Variants in DPYSL3 observed in about 807,000 individuals in gnomAD.
The protein encoded by DPYSL3 is dihydropyrimidinase like 3.
DPYSL3 carries 16 observed loss-of-function variants against 66.1 expected under a neutral mutation model. That is an observed-to-expected ratio of 0.24 (90% CI 0.16 to 0.37). DPYSL3 has a LOEUF of 0.37. DPYSL3 is among the 10% of genes least tolerant of loss of function. DPYSL3 has a pLI of 1.00. For missense variants in DPYSL3, 738 were observed against 916.2 expected (o/e 0.81, Z 2.51); for synonymous variants, 338 against 345.1 (o/e 0.98, Z 0.23).
chr5:147,509,619 C>G lies in DPYSL3; in HGVS notation c.240G>C (p.Gly80=). ...CCCTGCGCGGGGTGTCCCCCTCGAT[C>G]CCGGGCCGACTCCCCGATCCTCGGT... ...GSDRGSGSRP[G]IEGDTPRRGQ... Residue 80 remains glycine, a synonymous_variant, in exon 1 of 14, where the codon GGG becomes GGC. Coordinates refer to ENST00000343218, the MANE Select transcript of DPYSL3 (RefSeq NM_001197294.2). The surrounding 1 kb of genome is among the most constrained non-coding windows in gnomAD (Gnocchi z 5.3). The G allele has an allele frequency of 6.5e-7, 1 of 1,535,642 alleles. No individual in the cohort carries two copies. Among genetic ancestry groups the G allele is most frequent in the Non-Finnish European group, 8.7e-7 (1 of 1,146,658 alleles).
At chr5:147,465,613 G>C (rs2126416300) in intron 1 of DPYSL3, among the ~76,000 whole-genome samples, 1 of 152,222 alleles carries the variant, frequency 6.6e-6, no homozygotes, top group East Asian at 1.9e-4. Context: ...GGTCCCTTAA[G>C]ACTAAGGGAT....
At chr5:147,409,176 T>C (rs1751790658) in intron 6 of DPYSL3, among the ~76,000 whole-genome samples, 1 of 152,212 alleles carries the variant, frequency 6.6e-6, no homozygotes, top group African/African-American at 2.4e-5. Flanking sequence ...ACAAAATGTA[T>C]TGAGCAACTG....
rs866217212 is a variant in DPYSL3, at chr5:147,509,571, C to T, written c.288G>A (p.Arg96=). 6.5e-7 allele frequency: 1 copy of T among 1,535,322 alleles called. No individual in the cohort carries two copies. The highest frequency in any genetic ancestry group is 8.7e-7 in the Non-Finnish European group (1 of 1,146,648). Residue 96 remains arginine (R), a synonymous_variant, in exon 1 of 14, where the codon AGG becomes AGA. Coordinates refer to ENST00000343218, the MANE Select transcript of DPYSL3 (RefSeq NM_001197294.2). The surrounding 1 kb of genome is among the most constrained non-coding windows in gnomAD (Gnocchi z 5.3). ...PRRGQGREES[R]EPAPASPAPA... The stretch of plus-strand genomic sequence containing the variant: ...GGGCGGGGGAGGCGGGCGCGGGCTC[C>T]CTGCTCTCTTCCCGGCCTTGGCCCC...
chr5:147,460,860 G>A (rs1416750134), intron 1 of DPYSL3, among the ~76,000 whole-genome samples: 1 of 152,192 alleles, frequency 6.6e-6, no homozygotes, highest in Non-Finnish European at 1.5e-5. Flanking sequence ...GCAACGCCAT[G>A]CCTAAGGTAC....
intron 1 of DPYSL3, among the ~76,000 whole-genome samples, chr5:147,504,274 CT>C (rs1226898607): frequency 1.3e-5 from 2 of 152,214 alleles, no homozygotes; most frequent in Non-Finnish European, 2.9e-5. Flanking sequence ...GGGACCATTA[CT>C]TTGAGGGAAC....
chr5:147,414,633 G>T (rs1158738022), intron 4 of DPYSL3, among the ~76,000 whole-genome samples: 1 of 152,206 alleles, frequency 6.6e-6, no homozygotes, highest in Non-Finnish European at 1.5e-5. Flanking sequence ...TGATAAAGAA[G>T]TGAGTGTTAA....
chr5:147,415,153 A>G (rs1751936525), intron 4 of DPYSL3, among the ~76,000 whole-genome samples: 1 of 152,184 alleles, frequency 6.6e-6, no homozygotes, highest in Non-Finnish European at 1.5e-5. Flanking sequence ...ACAGAAACAT[A>G]TATACATATA....
intron 1 of DPYSL3, among the ~76,000 whole-genome samples, chr5:147,474,769 A>G (rs1183880788): frequency 1.3e-5 from 2 of 152,102 alleles, no homozygotes; most frequent in African/African-American, 4.8e-5. Context: ...GCCTTTTTTA[A>G]AACACTTTGT....
At chr5:147,449,596 G>A (rs980205890) in intron 1 of DPYSL3, among the ~76,000 whole-genome samples, 9 of 152,214 alleles carry the variant, frequency 5.9e-5, no homozygotes, top group Admixed American at 3.3e-4. Context: ...GGCAGCCTCA[G>A]CTTTGAAGCT....
intron 1 of DPYSL3, among the ~76,000 whole-genome samples, chr5:147,480,640 C>G (rs1482857449): frequency 6.6e-6 from 1 of 151,476 alleles, no homozygotes. Flanking sequence ...AAGCTAGGAC[C>G]ACAATCAATA....
chr5:147,462,607 T>C (rs1475263429), intron 1 of DPYSL3, among the ~76,000 whole-genome samples: 1 of 152,158 alleles, frequency 6.6e-6, no homozygotes, highest in Non-Finnish European at 1.5e-5. Context: ...CAAAGCCTGG[T>C]AGGTCTCTTC....
At chr5:147,434,161 C>A (rs187822429) in intron 1 of DPYSL3, among the ~76,000 whole-genome samples, 1 of 152,236 alleles carries the variant, frequency 6.6e-6, no homozygotes, top group African/African-American at 2.4e-5. Flanking sequence ...AATTACAGTA[C>A]AAATACAAGG....
intron 1 of DPYSL3, among the ~76,000 whole-genome samples, chr5:147,433,339 A>T (rs1040298672): frequency 7.2e-5 from 11 of 152,082 alleles, no homozygotes; most frequent in Admixed American, 2.0e-4. Flanking sequence ...GGGTAGGGTC[A>T]GGTGTAGGAA....
chr5:147,472,894 C>T (rs1000441506), intron 1 of DPYSL3: 9 of 152,092 alleles, frequency 5.9e-5, no homozygotes, highest in African/African-American at 1.7e-4. Flanking sequence ...TTAATAACAA[C>T]GCAAAATGAA....
At chr5:147,396,589 C>A (rs1435541181) in intron 12 of DPYSL3, among the ~76,000 whole-genome samples, 4 of 152,146 alleles carry the variant, frequency 2.6e-5, no homozygotes, top group African/African-American at 9.7e-5. Context: ...CAAATGCCAG[C>A]ACAGAAGCCG....
intron 1 of DPYSL3, among the ~76,000 whole-genome samples, chr5:147,436,957 G>T (rs763555478): frequency 6.6e-5 from 10 of 152,200 alleles, no homozygotes; most frequent in Non-Finnish European, 1.5e-4. Context: ...CACTGAAATG[G>T]TGGCCTGGGA....
At chr5:147,422,400 G>A (rs1752099102) in intron 2 of DPYSL3, among the ~76,000 whole-genome samples, 1 of 152,228 alleles carries the variant, frequency 6.6e-6, no homozygotes, top group African/African-American at 2.4e-5. Context: ...TACACTGTTG[G>A]TGGGAGTGTA....
intron 1 of DPYSL3, among the ~76,000 whole-genome samples, chr5:147,438,873 A>G (rs1752467437): frequency 6.6e-6 from 1 of 152,204 alleles, no homozygotes. Flanking sequence ...CCTATGTGTT[A>G]TCACTCTTCC....
chr5:147,417,739 T>C (rs1751999220), intron 3 of DPYSL3, among the ~76,000 whole-genome samples: 1 of 151,956 alleles, frequency 6.6e-6, no homozygotes, highest in African/African-American at 2.4e-5. Flanking sequence ...GGAATTGCAA[T>C]AGAAAAAACA....
Sources: allele counts gnomAD v4.1 joint callset (sites outside exome capture counted in the v4.1 genomes callset), GRCh38; gene constraint gnomAD v4.1.1; non-coding constraint Gnocchi (gnomAD v3.1); transcripts MANE v1.5; gene names NCBI Gene and HGNC (gene_info 2026-07-23, HGNC 2026-07-21).